FAM13A: variants seen among roughly 807,000 people sequenced by gnomAD.
The protein encoded by FAM13A is family with sequence similarity 13 member A, also known as protein FAM13A.
A neutral mutation model predicts 129.6 loss-of-function variants in FAM13A; 76 were observed. That is an observed-to-expected ratio of 0.59 (90% CI 0.49 to 0.71). The LOEUF (loss-of-function observed/expected upper bound fraction) is 0.71. Ranked by LOEUF, FAM13A falls within the 30% of genes least tolerant of loss-of-function variation. The probability of loss-of-function intolerance (pLI) is 0.00; values close to 1 mark genes in which losing one functional copy is unlikely to be tolerated. For synonymous variants in FAM13A, 443 were observed against 449.9 expected (o/e 0.98, Z 0.20); for missense variants, 1,108 against 1,249.3 (o/e 0.89, Z 1.70).
chr4:88,945,458 C>G (rs1755504017), intron 4 of FAM13A, among the ~76,000 whole-genome samples: 1 of 152,060 alleles, frequency 6.6e-6, no homozygotes, highest in African/African-American at 2.4e-5. Flanking sequence ...AAGACTCTTG[C>G]CCCTCTTAAT....
intron 5 of FAM13A, among the ~76,000 whole-genome samples, chr4:88,931,702 CT>C (rs976608822): frequency 3.9e-5 from 6 of 152,150 alleles, no homozygotes; most frequent in Admixed American, 6.5e-5. Flanking sequence ...CATCATTTAA[CT>C]TTTTTTAACC....
At chr4:88,875,393 C>T (rs1742223042) in intron 6 of FAM13A, among the ~76,000 whole-genome samples, 2 of 152,322 alleles carry the variant, frequency 1.3e-5, no homozygotes, top group South Asian at 4.1e-4. Flanking sequence ...ATCTACCCAT[C>T]TGACAAAGGG....
At chr4:88,972,642 C>T (rs1579567525) in intron 4 of FAM13A, among the ~76,000 whole-genome samples, 1 of 151,994 alleles carries the variant, frequency 6.6e-6, no homozygotes, top group African/African-American at 2.4e-5. Context: ...GAGTCTCACT[C>T]TGTTGCCTAG....
At chr4:88,985,824 G>A (rs1164488245) in intron 4 of FAM13A, among the ~76,000 whole-genome samples, 1 of 144,968 alleles carries the variant, frequency 6.9e-6, no homozygotes, top group Non-Finnish European at 1.5e-5. Context: ...AAGCAATGAA[G>A]TAATACACAA....
intron 7 of FAM13A, among the ~76,000 whole-genome samples, chr4:88,849,701 A>C (rs2149979314): frequency 6.6e-6 from 1 of 152,268 alleles, no homozygotes; most frequent in South Asian, 2.1e-4. Flanking sequence ...GTTCCTTAAC[A>C]CAGGGGCCTC....
chr4:88,903,684 T>A (rs1283867473), intron 6 of FAM13A, among the ~76,000 whole-genome samples: 1 of 151,944 alleles, frequency 6.6e-6, no homozygotes, highest in Non-Finnish European at 1.5e-5. Context: ...CACAAGAAAA[T>A]CTAGGCAATA....
intron 6 of FAM13A, among the ~76,000 whole-genome samples, chr4:88,853,713 C>G (rs923930912): frequency 8.5e-5 from 13 of 152,180 alleles, no homozygotes; most frequent in Non-Finnish European, 1.5e-4. Context: ...CTGGGTGTGT[C>G]TGTGAGTCAG....
intron 13 of FAM13A, among the ~76,000 whole-genome samples, chr4:88,763,662 T>A (rs1745217316): frequency 6.6e-6 from 1 of 152,230 alleles, no homozygotes; most frequent in Admixed American, 6.5e-5. Context: ...ATTTTTGTTT[T>A]ATTCCTTCCA....
intron 7 of FAM13A, among the ~76,000 whole-genome samples, chr4:88,844,987 C>T (rs1024212998): frequency 1.3e-5 from 2 of 152,086 alleles, no homozygotes; most frequent in Non-Finnish European, 2.9e-5. Context: ...ATGGGAAACA[C>T]AGAACCAGAA....
chr4:88,983,456 T>C (rs1761885373), intron 4 of FAM13A, among the ~76,000 whole-genome samples: 1 of 152,130 alleles, frequency 6.6e-6, no homozygotes, highest in African/African-American at 2.4e-5. Flanking sequence ...AATGTTTAGT[T>C]TCATTTATAA....
At chr4:88,948,225 G>A (rs1366918214) in intron 4 of FAM13A, among the ~76,000 whole-genome samples, 1 of 152,142 alleles carries the variant, frequency 6.6e-6, no homozygotes, top group Admixed American at 6.6e-5. Flanking sequence ...GGGGGCTCAG[G>A]TTCTGGCTCC....
At position 88,727,251 on chromosome 4, in the gene FAM13A, A is replaced by G. The variant is rs929107105; in HGVS notation, c.*1282T>C. ...AAGCACAAAGGTGGACACAGAACCC[A>G]CTGTCCTTGGCGCAGGAGTTAAAAA... On this transcript the variant is annotated 3_prime_UTR_variant, in exon 24 of 24. Transcript: ENST00000264344. 2 of 152,586 alleles carry G rather than the reference A, an allele frequency of 1.3e-5. No homozygotes were observed. Among genetic ancestry groups the G allele is most frequent in the African/African-American group, 4.8e-5 (2 of 41,410 alleles). The allele number at this position is 152,586 out of a possible 1,614,324, so 9.5% of individuals were successfully genotyped here. A position where few individuals can be genotyped will look rare whatever the true frequency, so the allele number is the denominator to read the frequency against.
At chr4:88,798,835 G>A (rs111362262) in intron 8 of FAM13A, among the ~76,000 whole-genome samples, 1,799 of 152,150 alleles carry the variant, frequency 0.012, 25 homozygotes, top group African/African-American at 0.04. Flanking sequence ...GTTCTACAAA[G>A]GGAAGTCCAC....
chr4:88,794,842 CAAT>C (rs1429676253), intron 8 of FAM13A, among the ~76,000 whole-genome samples: 18 of 151,646 alleles, frequency 1.2e-4, no homozygotes, highest in African/African-American at 4.4e-4. Flanking sequence ...CTTAATTTGT[CAAT>C]TTAACAAAAT....
At chr4:88,925,721 TAA>T (rs202094440) in intron 5 of FAM13A, among the ~76,000 whole-genome samples, 3 of 150,898 alleles carry the variant, frequency 2.0e-5, no homozygotes, top group African/African-American at 7.3e-5. Flanking sequence ...TAAATAAAAA[TAA>T]AAAAAGAGAA....
intron 5 of FAM13A, chr4:88,937,757 C>T (rs1265233428): frequency 1.2e-5 from 4 of 340,572 alleles, no homozygotes; most frequent in Non-Finnish European, 2.1e-5. Context: ...CTCCTGATCA[C>T]AGCCATATGC....
In FAM13A at chr4:88,954,095, T is replaced by G. The variant is rs937868661; in HGVS notation, c.606-15854A>C. 3.3e-5 allele frequency among the ~76,000 whole-genome samples: 5 copies of G among 152,324 alleles called. No homozygotes were observed. The East Asian group carries it at 7.7e-4, about 23-fold the overall frequency. ...AAATTGTTAGACTCCATGAATTCAG[T>G]TGGTCTGCTTATAGCTAAGTTAAGG... On this transcript the variant is annotated intron_variant, in intron 4 of 23. Transcript: ENST00000264344.
intron 3 of FAM13A, among the ~76,000 whole-genome samples, chr4:89,017,532 T>C (rs1366621108): frequency 6.6e-6 from 1 of 152,156 alleles, no homozygotes; most frequent in African/African-American, 2.4e-5. Context: ...TCTGGAAATG[T>C]GATAAAAGCC....
At chr4:88,905,282 G>A (rs1329272775) in intron 6 of FAM13A, among the ~76,000 whole-genome samples, 1 of 152,000 alleles carries the variant, frequency 6.6e-6, no homozygotes, top group Non-Finnish European at 1.5e-5. Context: ...ACAGGAGCCC[G>A]CCACCCAATC....
Sources: allele counts gnomAD v4.1 joint callset (sites outside exome capture counted in the v4.1 genomes callset), GRCh38; gene constraint gnomAD v4.1.1; transcripts MANE v1.5; gene names NCBI Gene and HGNC (gene_info 2026-07-23, HGNC 2026-07-21).